FAM13C: variants seen among roughly 807,000 people sequenced by gnomAD.
FAM13C encodes family with sequence similarity 13 member C, also known as protein FAM13C.
A neutral mutation model predicts 73.2 loss-of-function variants in FAM13C; 37 were observed. The observed-to-expected ratio is 0.51, with a 90% CI of 0.39 to 0.67. The LOEUF (loss-of-function observed/expected upper bound fraction) is 0.67, where lower values mean the gene tolerates loss of function less well. Ranked by LOEUF, FAM13C falls within the 30% of genes least tolerant of loss-of-function variation. The pLI is 0.00. For synonymous variants in FAM13C, 246 were observed against 260.9 expected (o/e 0.94, Z 0.55); for missense variants, 589 against 715.6 (o/e 0.82, Z 2.02).
chr10:59,335,904 T>A (rs1443430839), intron 3 of FAM13C, among the ~76,000 whole-genome samples: 1 of 152,202 alleles, frequency 6.6e-6, no homozygotes, highest in Non-Finnish European at 1.5e-5. Flanking sequence ...TGACATAGTA[T>A]CCTGGGACAT....
At chr10:59,338,030 T>A (rs1055287982) in intron 3 of FAM13C, among the ~76,000 whole-genome samples, 39 of 152,198 alleles carry the variant, frequency 2.6e-4, no homozygotes, top group African/African-American at 8.2e-4. Context: ...TAGGATACAA[T>A]AACCATACTA....
chr10:59,278,161 G>C (rs978837573), intron 6 of FAM13C, among the ~76,000 whole-genome samples: 5 of 152,134 alleles, frequency 3.3e-5, no homozygotes, highest in African/African-American at 9.6e-5. Context: ...CACGAGAGCA[G>C]CATGGGAAAG....
intron 5 of FAM13C, among the ~76,000 whole-genome samples, chr10:59,293,919 T>C (rs1225745791): frequency 2.0e-5 from 3 of 152,110 alleles, no homozygotes; most frequent in Non-Finnish European, 4.4e-5. Flanking sequence ...TCAGGAAAAA[T>C]TTGGTCTTCA....
At chr10:59,265,072 A>G (rs893396686) in intron 8 of FAM13C, among the ~76,000 whole-genome samples, 1 of 151,974 alleles carries the variant, frequency 6.6e-6, no homozygotes. Flanking sequence ...AGGGAGGCAC[A>G]GGAAGATGGC....
chr10:59,268,455 C>T, intron 8 of FAM13C, 98 bp downstream of exon 8: 1 of 1,527,306 alleles, frequency 6.5e-7, no homozygotes, highest in Admixed American at 1.8e-5. Flanking sequence ...GAGCTGTCCC[C>T]TGGCAAAGAA....
chr10:59,274,904 A>G (rs1408107435), intron 6 of FAM13C, among the ~76,000 whole-genome samples: 1 of 152,102 alleles, frequency 6.6e-6, no homozygotes, highest in Admixed American at 6.5e-5. Context: ...AAGAGAAATT[A>G]TCCATCATAG....
chr10:59,249,451 A>G (rs1053103435), intron 13 of FAM13C, among the ~76,000 whole-genome samples: 1 of 151,792 alleles, frequency 6.6e-6, no homozygotes, highest in African/African-American at 2.4e-5. Flanking sequence ...ACAAGAATGA[A>G]AAGTTTTGCC....
chr10:59,307,674 T>G (rs284582), intron 4 of FAM13C, among the ~76,000 whole-genome samples: 149,493 of 152,276 alleles, frequency 0.98, 73,440 homozygotes, highest in Middle Eastern at 1. Context: ...CACGGAAGGA[T>G]AACAAAAAGA....
intron 6 of FAM13C, among the ~76,000 whole-genome samples, chr10:59,273,647 A>G (rs1843977348): frequency 6.6e-6 from 1 of 152,232 alleles, no homozygotes; most frequent in East Asian, 1.9e-4. Flanking sequence ...TAACTAGGCT[A>G]TCTCCATTCA....
intron 6 of FAM13C, among the ~76,000 whole-genome samples, chr10:59,275,749 G>A (rs570471568): frequency 9.3e-4 from 142 of 152,276 alleles, no homozygotes; most frequent in African/African-American, 3.3e-3. Flanking sequence ...GGCCAGGCAA[G>A]TCTCTTCAAA....
chr10:59,254,432 T>C lies in FAM13C; in HGVS notation c.1248A>G (p.Gln416=). The change falls in exon 11 of 14, where the codon CAA becomes CAG. Residue 416 remains glutamine, a synonymous_variant. Coordinates refer to ENST00000618804, the MANE Select transcript of FAM13C (RefSeq NM_198215.4). ...AAAGCGGCTTTATGAGGTTCTTGTC[T>C]TGCTTAGTTACCTGAAAAACATGAA... ...PPQEDSKVTK[Q]DKNLIKPLYD... The C allele has an allele frequency of 6.7e-7, 1 of 1,501,568 alleles. No individual in the cohort carries two copies. The highest frequency in any genetic ancestry group is 1.4e-5 in the South Asian group (1 of 72,660). The allele number at this position is 1,501,568 out of a possible 1,614,324, so 93.0% of individuals were successfully genotyped here. A position where few individuals can be genotyped will look rare whatever the true frequency, so the allele number is the denominator to read the frequency against.
At chr10:59,269,518 C>A (rs988291883) in intron 7 of FAM13C, among the ~76,000 whole-genome samples, 1 of 152,014 alleles carries the variant, frequency 6.6e-6, no homozygotes, top group Admixed American at 6.6e-5. Context: ...TGTAGATGGA[C>A]AGCTCCCAAG....
At chr10:59,306,696 T>G (rs761475429) in intron 4 of FAM13C, among the ~76,000 whole-genome samples, 6 of 152,164 alleles carry the variant, frequency 3.9e-5, no homozygotes, top group Admixed American at 6.5e-5. Context: ...GGCAACACAG[T>G]GAAACCCCAT....
At chr10:59,317,290 C>T (rs1849657590) in intron 4 of FAM13C, among the ~76,000 whole-genome samples, 1 of 152,106 alleles carries the variant, frequency 6.6e-6, no homozygotes, top group Non-Finnish European at 1.5e-5. Context: ...GCCTCAGGCA[C>T]ACTGAACACT....
intron 3 of FAM13C, among the ~76,000 whole-genome samples, chr10:59,345,825 CAA>C (rs1166483086): frequency 2.6e-5 from 4 of 152,180 alleles, no homozygotes; most frequent in Admixed American, 6.5e-5. Flanking sequence ...CACACCTAAT[CAA>C]AAACTGAAGT....
At chr10:59,320,597 C>T (rs775464404) in intron 4 of FAM13C, among the ~76,000 whole-genome samples, 1 of 152,082 alleles carries the variant, frequency 6.6e-6, no homozygotes, top group Non-Finnish European at 1.5e-5. Flanking sequence ...GGCAGCCTTC[C>T]CAGACAGAGT....
At chr10:59,303,228 C>T (rs1013487908) in intron 4 of FAM13C, among the ~76,000 whole-genome samples, 3 of 152,296 alleles carry the variant, frequency 2.0e-5, no homozygotes, top group Middle Eastern at 6.8e-3. Context: ...ACTCTTATCA[C>T]CATGTATGCA....
In FAM13C at chr10:59,246,442, CT is replaced by C. The variant is rs1332541009; in HGVS notation, c.*1171del. 5.4e-6 allele frequency: 2 copies of C among 371,780 alleles called. No homozygotes were observed. The highest frequency in any genetic ancestry group is 4.2e-5 in the African/African-American group (2 of 48,086). 23.0% of individuals were successfully genotyped at this position (371,780 alleles called of 1,614,324 possible). On this transcript the variant is annotated 3_prime_UTR_variant, in exon 14 of 14. Coordinates refer to ENST00000618804, the MANE Select transcript of FAM13C (RefSeq NM_198215.4). Reference sequence around the variant, plus strand: ...ATAGTCAATAGTCTTCCCATCCAAACTATAAGAGAATGTGAATTTCTTCAAC... The same window carrying C: ...ATAGTCAATAGTCTTCCCATCCAAACATAAGAGAATGTGAATTTCTTCAAC...
intron 3 of FAM13C, 52 bp downstream of exon 3, chr10:59,352,218 T>C (rs951794752): frequency 3.1e-6 from 5 of 1,603,154 alleles, no homozygotes; most frequent in Non-Finnish European, 4.3e-6. Flanking sequence ...CCGTGTGGCC[T>C]AGCCTAAGAA....
Sources: allele counts gnomAD v4.1 joint callset (sites outside exome capture counted in the v4.1 genomes callset), GRCh38; gene constraint gnomAD v4.1.1; transcripts MANE v1.5; gene names NCBI Gene and HGNC (gene_info 2026-07-23, HGNC 2026-07-21).